Variants in WDR70 observed in about 807,000 individuals in gnomAD.
WDR70 encodes WD repeat domain 70, also known as WD repeat-containing protein 70.
A neutral mutation model predicts 88.6 loss-of-function variants in WDR70; 53 were observed. The ratio of observed to expected loss-of-function variants is 0.60; its 90% CI spans 0.48 to 0.75. The LOEUF is 0.75. Among genes scored for constraint, WDR70 ranks in the 30% least tolerant of loss-of-function variants. The pLI is 0.00. For missense variants in WDR70, 610 were observed against 823.2 expected, an observed-to-expected ratio of 0.74 and a Z score of 3.17; for synonymous variants, 280 against 270.0, an observed-to-expected ratio of 1.04 and a Z score of -0.36.
Position 37,464,405 on chromosome 5 carries a change from C to T in WDR70, c.687-15429C>T, listed in dbSNP as rs556088486. Among the ~76,000 whole-genome samples, 4 of 152,218 alleles carry T rather than the reference C, an allele frequency of 2.6e-5. No homozygotes were observed. The South Asian group carries it at 8.3e-4, about 32-fold the overall frequency. On this transcript the variant is annotated intron_variant, in intron 7 of 17. Transcript: ENST00000265107. ...ATTAATTGCCTGAAATTTGATCTAT[C>T]AGTCAGTGTTTGATTAGAATAGAGA...
intron 9 of WDR70, among the ~76,000 whole-genome samples, chr5:37,535,535 T>A (rs898121738): frequency 3.3e-5 from 5 of 152,186 alleles, no homozygotes; most frequent in Non-Finnish European, 7.4e-5. Flanking sequence ...ACTGTATTTT[T>A]AAAATTAAAT....
At chr5:37,589,380 C>T (rs972879687) in intron 9 of WDR70, among the ~76,000 whole-genome samples, 1 of 150,990 alleles carries the variant, frequency 6.6e-6, no homozygotes, top group Non-Finnish European at 1.5e-5. Flanking sequence ...TCTGTATATC[C>T]TATTTGAATA....
chr5:37,694,175 G>A (rs1259517796), intron 10 of WDR70, among the ~76,000 whole-genome samples: 14 of 152,110 alleles, frequency 9.2e-5, no homozygotes, highest in East Asian at 1.9e-4. Context: ...TTAGAATGGC[G>A]ATCATTAAAA....
chr5:37,581,422 A>G (rs1291261950), intron 9 of WDR70, among the ~76,000 whole-genome samples: 5 of 152,208 alleles, frequency 3.3e-5, no homozygotes, highest in East Asian at 1.9e-4. Context: ...GACTTGTTCA[A>G]TATCACCAGT....
intron 3 of WDR70, 50 bp from the exon 4 acceptor site, chr5:37,391,950 G>C: frequency 1.3e-6 from 2 of 1,568,538 alleles, no homozygotes; most frequent in Non-Finnish European, 1.7e-6. Flanking sequence ...AACATATTTT[G>C]AATTGTAACC....
At chr5:37,493,512 T>A (rs1740128235) in intron 8 of WDR70, among the ~76,000 whole-genome samples, 1 of 152,130 alleles carries the variant, frequency 6.6e-6, no homozygotes, top group South Asian at 2.1e-4. Context: ...GCAACCAGAA[T>A]AAACTTAGAA....
At chr5:37,587,612 T>C (rs1260102836) in intron 9 of WDR70, among the ~76,000 whole-genome samples, 1 of 152,120 alleles carries the variant, frequency 6.6e-6, no homozygotes, top group Non-Finnish European at 1.5e-5. Flanking sequence ...CATTAGGTTA[T>C]GCATTTTTGG....
intron 7 of WDR70, among the ~76,000 whole-genome samples, chr5:37,477,097 A>G (rs962799409): frequency 2.0e-5 from 3 of 152,088 alleles, no homozygotes; most frequent in Non-Finnish European, 4.4e-5. Context: ...TGGTATTGTT[A>G]TTTTATGCAG....
chr5:37,731,001 C>G (rs72743192), intron 17 of WDR70, among the ~76,000 whole-genome samples: 4,443 of 152,144 alleles, frequency 0.029, 96 homozygotes, highest in Middle Eastern at 0.11. Context: ...TGTCATGAAG[C>G]CATCAAGTGT....
chr5:37,472,565 G>A (rs1392705480), intron 7 of WDR70, among the ~76,000 whole-genome samples: 1 of 151,990 alleles, frequency 6.6e-6, no homozygotes, highest in African/African-American at 2.4e-5. Context: ...CACGATCTTG[G>A]CTCACTGCAA....
intron 8 of WDR70, among the ~76,000 whole-genome samples, chr5:37,507,496 C>A (rs1261772703): frequency 6.6e-6 from 1 of 152,144 alleles, no homozygotes; most frequent in Non-Finnish European, 1.5e-5. Flanking sequence ...ACTGATTTCT[C>A]TTTATCTTCC....
At chr5:37,456,551 A>G (rs987692632) in intron 7 of WDR70, among the ~76,000 whole-genome samples, 3 of 152,178 alleles carry the variant, frequency 2.0e-5, no homozygotes, top group African/African-American at 7.2e-5. Context: ...AAAAAATTCC[A>G]CTTTTGTAAT....
At chr5:37,529,433 T>A (rs1417861358) in intron 9 of WDR70, among the ~76,000 whole-genome samples, 1 of 152,202 alleles carries the variant, frequency 6.6e-6, no homozygotes, top group African/African-American at 2.4e-5. Flanking sequence ...TTTCACAATA[T>A]TGATTCTACT....
chr5:37,595,410 A>C (rs1306943818), intron 9 of WDR70, among the ~76,000 whole-genome samples: 1 of 152,210 alleles, frequency 6.6e-6, no homozygotes, highest in Non-Finnish European at 1.5e-5. Flanking sequence ...TTATACATTG[A>C]AAACCATAAT....
At chr5:37,654,856 G>T (rs760855927) in intron 10 of WDR70, among the ~76,000 whole-genome samples, 7 of 152,176 alleles carry the variant, frequency 4.6e-5, no homozygotes, top group Non-Finnish European at 8.8e-5. Flanking sequence ...CACGTGAAAT[G>T]GGTTTCCTGA....
chr5:37,490,190 C>T (rs1045319653), intron 8 of WDR70, among the ~76,000 whole-genome samples: 9 of 152,118 alleles, frequency 5.9e-5, no homozygotes, highest in Non-Finnish European at 1.3e-4. Context: ...GGTGCCAGAC[C>T]TTGTGAGCTT....
chr5:37,449,616 AAT>A (rs1259474765), intron 7 of WDR70, among the ~76,000 whole-genome samples: 43 of 126,546 alleles, frequency 3.4e-4, no homozygotes, highest in African/African-American at 1.1e-3. Flanking sequence ...AAAAATAAAA[AAT>A]AAATAAATAA....
intron 10 of WDR70, among the ~76,000 whole-genome samples, chr5:37,679,457 C>A (rs1581490029): frequency 1.3e-5 from 2 of 152,118 alleles, no homozygotes; most frequent in Non-Finnish European, 1.5e-5. Flanking sequence ...ACAGACAGAA[C>A]CCTCAGCTGC....
At chr5:37,579,448 G>A (rs1477005203) in intron 9 of WDR70, among the ~76,000 whole-genome samples, 1 of 151,926 alleles carries the variant, frequency 6.6e-6, no homozygotes, top group Non-Finnish European at 1.5e-5. Flanking sequence ...GCTGGGCGTG[G>A]TGGTGGGTGC....
Sources: gnomAD v4.1 joint callset for allele counts (sites outside exome capture counted in the v4.1 genomes callset) on GRCh38, gnomAD v4.1.1 for gene constraint, MANE v1.5 for transcripts, NCBI Gene and HGNC (gene_info 2026-07-23, HGNC 2026-07-21) for gene names.